NKAIN3: variants seen among roughly 807,000 people sequenced by gnomAD.
The protein encoded by NKAIN3 is sodium/potassium-transporting ATPase subunit beta-1-interacting protein 3.
A neutral mutation model predicts 30.2 loss-of-function variants in NKAIN3; 25 were observed. The ratio of observed to expected loss-of-function variants is 0.83; its 90% CI spans 0.60 to 1.16. NKAIN3 has a LOEUF of 1.16. Ranked by LOEUF, NKAIN3 falls within the 50% of genes most tolerant of loss-of-function variation. The pLI, the probability that NKAIN3 is intolerant of heterozygous loss-of-function variation, is 0.00. For synonymous variants in NKAIN3, 91 were observed against 89.6 expected (o/e 1.02, Z -0.09); for missense variants, 225 against 254.1 (o/e 0.89, Z 0.78).
chr8:62,960,234 C>G (rs1823532644), intron 6 of NKAIN3, among the ~76,000 whole-genome samples: 1 of 152,146 alleles, frequency 6.6e-6, no homozygotes, highest in Admixed American at 6.5e-5. Context: ...TTGCTGTGAC[C>G]AGTGGCCAGT....
At chr8:62,729,043 A>ACAAACAAACAAAC (rs773430955) in intron 3 of NKAIN3, among the ~76,000 whole-genome samples, 1 of 128,652 alleles carries the variant, frequency 7.8e-6, no homozygotes, top group African/African-American at 3.3e-5. Flanking sequence ...AAAAAAACAA[A>ACAAACAAACAAAC]AAAAAAAAAC....
intron 5 of NKAIN3, among the ~76,000 whole-genome samples, chr8:62,926,490 C>T (rs546692071): frequency 6.6e-6 from 1 of 152,222 alleles, no homozygotes; most frequent in Non-Finnish European, 1.5e-5. Context: ...AGCCGCCCAA[C>T]CCGCTCCAGG....
chr8:62,304,922 G>A (rs1250394808), intron 1 of NKAIN3, among the ~76,000 whole-genome samples: 1 of 150,534 alleles, frequency 6.6e-6, no homozygotes, highest in Non-Finnish European at 1.5e-5. Context: ...GTACTGGAAA[G>A]TGTCAGAGAT....
At chr8:62,526,050 T>G (rs1808296654) in intron 1 of NKAIN3, among the ~76,000 whole-genome samples, 1 of 152,110 alleles carries the variant, frequency 6.6e-6, no homozygotes, top group Non-Finnish European at 1.5e-5. Context: ...AGATTGTATC[T>G]GGTACATTTA....
At chr8:62,569,583 C>T (rs559533037) in intron 1 of NKAIN3, among the ~76,000 whole-genome samples, 2 of 152,072 alleles carry the variant, frequency 1.3e-5, no homozygotes, top group African/African-American at 4.8e-5. Flanking sequence ...TGAGAACAGA[C>T]TGGCCATCAT....
At chr8:62,927,714 C>G (rs1253254171) in intron 5 of NKAIN3, among the ~76,000 whole-genome samples, 2 of 152,026 alleles carry the variant, frequency 1.3e-5, no homozygotes, top group Admixed American at 1.3e-4. Flanking sequence ...GTTCAAGCTG[C>G]TTTTGGAGTG....
intron 3 of NKAIN3, among the ~76,000 whole-genome samples, chr8:62,687,930 T>C (rs1050694931): frequency 2.6e-5 from 4 of 152,208 alleles, no homozygotes; most frequent in Non-Finnish European, 4.4e-5. Context: ...AACATCTGCT[T>C]TAAAAGGAAA....
chr8:62,758,809 G>T (rs16929539), intron 4 of NKAIN3, among the ~76,000 whole-genome samples: 29,587 of 152,068 alleles, frequency 0.19, 3,282 homozygotes, highest in African/African-American at 0.29. Context: ...AGTCAGAATG[G>T]TCCCTATTGC....
Position 62,705,786 on chromosome 8 carries a change from G to GCAAC in NKAIN3, c.274-41144_274-41141dup, listed in dbSNP as rs1814499988. On this transcript the variant is annotated intron_variant, in intron 3 of 6. Coordinates refer to ENST00000623646, the MANE Select transcript of NKAIN3 (RefSeq NM_001304533.3). ...TGTTGTTTGAGTTTTCTGCATTAAA[G>GCAAC]CAACCTGTTCATGGTTTCTGCATGT... is the stretch of plus-strand genomic sequence containing the variant. Among the ~76,000 whole-genome samples, 4 of 152,194 alleles carry GCAAC rather than the reference G, an allele frequency of 2.6e-5. No homozygotes were observed. The South Asian group carries it at 6.2e-4, about 24-fold the overall frequency.
At chr8:62,863,470 C>A in intron 4 of NKAIN3, 2 of 1,550,502 alleles carry the variant, frequency 1.3e-6, no homozygotes, top group South Asian at 1.1e-5. Flanking sequence ...AAGGAAATGT[C>A]AAATGATACT....
intron 1 of NKAIN3, among the ~76,000 whole-genome samples, chr8:62,337,174 G>A (rs189372228): frequency 6.6e-6 from 1 of 152,132 alleles, no homozygotes; most frequent in African/African-American, 2.4e-5. Context: ...AGCCTCATGA[G>A]GTGTAGGCCT....
intron 5 of NKAIN3, among the ~76,000 whole-genome samples, chr8:62,929,053 G>A (rs1172400355): frequency 2.0e-5 from 3 of 152,204 alleles, no homozygotes; most frequent in African/African-American, 7.2e-5. Context: ...TAACACCTGA[G>A]GATGAAAAGG....
intron 3 of NKAIN3, among the ~76,000 whole-genome samples, chr8:62,598,249 G>A (rs1481465834): frequency 1.3e-5 from 2 of 151,976 alleles, no homozygotes; most frequent in Non-Finnish European, 2.9e-5. Flanking sequence ...GCCAGAAATG[G>A]GGCTGAGTTT....
chr8:62,882,724 G>T (rs1029252653), intron 4 of NKAIN3, among the ~76,000 whole-genome samples: 58 of 152,034 alleles, frequency 3.8e-4, no homozygotes, highest in African/African-American at 1.1e-3. Flanking sequence ...AGTCTATAAT[G>T]CATTTTGAAT....
At chr8:62,520,592 G>C (rs560581159) in intron 1 of NKAIN3, among the ~76,000 whole-genome samples, 1 of 152,158 alleles carries the variant, frequency 6.6e-6, no homozygotes, top group African/African-American at 2.4e-5. Flanking sequence ...GATTTAATTT[G>C]AAAAAGCAGA....
intron 3 of NKAIN3, among the ~76,000 whole-genome samples, chr8:62,619,604 C>T (rs1021564283): frequency 7.9e-5 from 12 of 151,570 alleles, no homozygotes; most frequent in African/African-American, 1.7e-4. Context: ...GTGCCCCTGA[C>T]GACTTCAGGC....
chr8:62,961,383 G>C (rs1318452143), intron 6 of NKAIN3, among the ~76,000 whole-genome samples: 1 of 151,948 alleles, frequency 6.6e-6, no homozygotes, highest in Non-Finnish European at 1.5e-5. Context: ...ATAAAGTCAA[G>C]CCTGACCTTG....
intron 4 of NKAIN3, among the ~76,000 whole-genome samples, chr8:62,905,546 T>C (rs1392421508): frequency 6.6e-6 from 1 of 152,214 alleles, no homozygotes; most frequent in Non-Finnish European, 1.5e-5. Flanking sequence ...CCTCTTTCAG[T>C]AAAACTCCTT....
chr8:62,786,074 C>T (rs147407410), intron 4 of NKAIN3, among the ~76,000 whole-genome samples: 421 of 152,118 alleles, frequency 2.8e-3, no homozygotes, highest in Admixed American at 4.4e-3. Context: ...CCACACCCCC[C>T]TCCCTGCAAC....
Sources: allele counts gnomAD v4.1 joint callset (sites outside exome capture counted in the v4.1 genomes callset), GRCh38; gene constraint gnomAD v4.1.1; transcripts MANE v1.5; gene names NCBI Gene and HGNC (gene_info 2026-07-23, HGNC 2026-07-21).